The following ERC1 variants were observed in gnomAD, a reference collection of about 807,000 sequenced individuals.
ERC1 encodes RAB6 interacting protein 2.
ERC1 carries 56 observed loss-of-function variants against 132.0 expected under a neutral mutation model. The ratio of observed to expected loss-of-function variants is 0.42; its 90% CI spans 0.34 to 0.53. The LOEUF is 0.53. ERC1 is among the 20% of genes least tolerant of loss of function. ERC1 has a pLI of 0.03. For synonymous variants in ERC1, 478 were observed against 476.1 expected, an observed-to-expected ratio of 1.00 and a Z score of -0.05; for missense variants, 1,202 against 1,349.9, an observed-to-expected ratio of 0.89 and a Z score of 1.72.
At chr12:1,414,577 TCTCC>T (rs2092016978) in intron 17 of ERC1, among the ~76,000 whole-genome samples, 3 of 152,186 alleles carry the variant, frequency 2.0e-5, no homozygotes, top group Non-Finnish European at 2.9e-5. Context: ...TGTGACTTAG[TCTCC>T]GCCCAACAGG....
intron 18 of ERC1, among the ~76,000 whole-genome samples, chr12:1,488,168 A>G (rs1192748518): frequency 1.3e-5 from 2 of 149,296 alleles, no homozygotes; most frequent in Non-Finnish European, 3.0e-5. Context: ...AAAAAGATAG[A>G]TGGGGTCTCA....
intron 2 of ERC1, among the ~76,000 whole-genome samples, chr12:1,081,427 A>T (rs1942180794): frequency 6.6e-6 from 1 of 152,206 alleles, no homozygotes; most frequent in South Asian, 2.1e-4. Context: ...TTTGGGTATT[A>T]CCAGTTTTGA....
intron 8 of ERC1, among the ~76,000 whole-genome samples, chr12:1,164,575 C>T (rs748320524): frequency 3.9e-4 from 59 of 152,100 alleles, no homozygotes; most frequent in Admixed American, 2.0e-3. Flanking sequence ...CTCCTGACCT[C>T]GTGATCCGCC....
intron 12 of ERC1, 119 bp downstream of exon 12, chr12:1,190,171 A>G (rs780309821): frequency 3.2e-6 from 3 of 930,088 alleles, no homozygotes; most frequent in Admixed American, 3.4e-5. Flanking sequence ...AATTCTTGCT[A>G]TTACTGTATT....
intron 15 of ERC1, among the ~76,000 whole-genome samples, chr12:1,352,607 T>G (rs1315868012): frequency 1.3e-5 from 2 of 150,048 alleles, no homozygotes; most frequent in African/African-American, 5.1e-5. Context: ...GATCTGTCAG[T>G]AAACCCCCCA....
chr12:1,364,120 G>T (rs949697362), intron 15 of ERC1, among the ~76,000 whole-genome samples: 1 of 152,194 alleles, frequency 6.6e-6, no homozygotes, highest in East Asian at 1.9e-4. Context: ...CATATTCATT[G>T]ACTAGCATAG....
chr12:1,289,026 CT>C (rs565124554), intron 14 of ERC1, among the ~76,000 whole-genome samples: 38 of 116,752 alleles, frequency 3.3e-4, no homozygotes, highest in Middle Eastern at 4.5e-3. Context: ...GCTGTCAAGG[CT>C]TTTTTTTTTT....
Position 1,195,801 on chromosome 12 carries a change from G to A in ERC1, c.2351+5749G>A, listed in dbSNP as rs753740037. On this transcript the variant is annotated intron_variant, in intron 12 of 18. Coordinates refer to ENST00000360905, the MANE Select transcript of ERC1 (RefSeq NM_178040.4). ...GATAGGACAATTTCTGATTGTTTAA[G>A]CCAGTTTGAATGAGGATTCTCCGTT... 1.3e-3 allele frequency among the ~76,000 whole-genome samples: 179 copies of A among 142,016 alleles called. 1 individual carries two copies. The highest frequency in any genetic ancestry group is 1.6e-3 in the Admixed American group (22 of 13,976). The allele number at this position is 142,016 out of a possible 152,430, so 93.2% of individuals were successfully genotyped here.
intron 3 of ERC1, among the ~76,000 whole-genome samples, chr12:1,085,490 G>A (rs1332565555): frequency 8.7e-6 from 1 of 115,322 alleles, no homozygotes; most frequent in African/African-American, 3.1e-5. Context: ...TATTATTATT[G>A]TTGTTGTTGT....
In ERC1 at chr12:1,459,114, TATAGAG is replaced by T. The variant is rs1170042370; in HGVS notation, c.3213+14366_3213+14371del. On this transcript the variant is annotated intron_variant, in intron 18 of 18. Coordinates refer to ENST00000360905, the MANE Select transcript of ERC1 (RefSeq NM_178040.4). ...GATAGTAACAGATTATAACAACTAA[TATAGAG>T]AGAGTATTGCCTAAATCTTTCCAAA... Among the ~76,000 whole-genome samples, 4 of 152,196 alleles carry T rather than the reference TATAGAG, an allele frequency of 2.6e-5. No individual in the cohort carries two copies. The East Asian group carries it at 7.7e-4, about 29-fold the overall frequency.
chr12:1,161,929 G>A (rs879406616), intron 8 of ERC1, among the ~76,000 whole-genome samples: 5 of 152,140 alleles, frequency 3.3e-5, no homozygotes, highest in Non-Finnish European at 7.3e-5. Context: ...GCAGTACTGA[G>A]AAACTATGTT....
At chr12:1,216,607 A>AGGAGGGATGGGGGGCGGGG (rs1485383560) in intron 12 of ERC1, among the ~76,000 whole-genome samples, 2 of 27,454 alleles carry the variant, frequency 7.3e-5, no homozygotes, top group African/African-American at 2.2e-4. Context: ...GGGGTCGGGG[A>AGGAGGGATGGGGGGCGGGG]GGAGGGATGG....
intron 15 of ERC1, among the ~76,000 whole-genome samples, chr12:1,297,057 C>T (rs2080010452): frequency 6.6e-6 from 1 of 151,648 alleles, no homozygotes; most frequent in East Asian, 1.9e-4. Context: ...TACCATAGTC[C>T]AGTTGCTGGA....
At chr12:1,131,398 A>G (rs1382898259) in intron 7 of ERC1, among the ~76,000 whole-genome samples, 2 of 152,226 alleles carry the variant, frequency 1.3e-5, no homozygotes, top group African/African-American at 4.8e-5. Flanking sequence ...TATTACTACT[A>G]ATTTGCCTTT....
intron 12 of ERC1, among the ~76,000 whole-genome samples, chr12:1,208,410 G>A (rs771418833): frequency 6.7e-5 from 10 of 149,592 alleles, no homozygotes; most frequent in East Asian, 1.9e-4. Context: ...TGTGTAGGCC[G>A]ATAATTCTTA....
intron 13 of ERC1, among the ~76,000 whole-genome samples, chr12:1,241,699 G>C (rs1184910942): frequency 6.6e-6 from 1 of 151,966 alleles, no homozygotes; most frequent in African/African-American, 2.4e-5. Context: ...CTGATACCCA[G>C]TTCTCCTGGT....
intron 14 of ERC1, among the ~76,000 whole-genome samples, chr12:1,273,265 T>TAA (rs1397123603): frequency 6.6e-6 from 1 of 152,190 alleles, no homozygotes; most frequent in African/African-American, 2.4e-5. Flanking sequence ...ATTTATGACT[T>TAA]TTTTCTCTTA....
At chr12:1,148,799 G>A (rs951584309) in intron 8 of ERC1, among the ~76,000 whole-genome samples, 17 of 151,934 alleles carry the variant, frequency 1.1e-4, no homozygotes, top group Non-Finnish European at 1.5e-5. Flanking sequence ...ACGGGATTTC[G>A]CCATGTTGGT....
chr12:1,066,465 CT>C (rs1849603107), intron 2 of ERC1, among the ~76,000 whole-genome samples: 1 of 152,170 alleles, frequency 6.6e-6, no homozygotes, highest in Non-Finnish European at 1.5e-5. Context: ...ACCCATGGTA[CT>C]TATGTTGCTC....
Sources: allele counts gnomAD v4.1 joint callset (sites outside exome capture counted in the v4.1 genomes callset), GRCh38; gene constraint gnomAD v4.1.1; transcripts MANE v1.5; gene names NCBI Gene and HGNC (gene_info 2026-07-23, HGNC 2026-07-21).